GPHN: variants seen among roughly 807,000 people sequenced by gnomAD.
The protein encoded by GPHN is gephyrin.
Under a neutral mutation model 95.5 loss-of-function variants are expected in GPHN, and 17 were observed. The ratio of observed to expected loss-of-function variants is 0.18; its 90% CI spans 0.12 to 0.27. The LOEUF (loss-of-function observed/expected upper bound fraction) is 0.27, where lower values mean the gene tolerates loss of function less well. Ranked by LOEUF, GPHN falls within the 10% of genes least tolerant of loss-of-function variation. GPHN has a pLI of 1.00. For synonymous variants in GPHN, 320 were observed against 322.5 expected, an observed-to-expected ratio of 0.99 and a Z score of 0.08; for missense variants, 660 against 978.1, an observed-to-expected ratio of 0.67 and a Z score of 4.34.
chr14:67,099,951 C>T (rs1436188800), intron 12 of GPHN, among the ~76,000 whole-genome samples: 1 of 151,936 alleles, frequency 6.6e-6, no homozygotes, highest in Non-Finnish European at 1.5e-5. Context: ...GGCACTTTTG[C>T]CCAGTCGTAT....
rs1317002093 is a variant in GPHN at position 67,153,099 on chromosome 14, A to T, written c.1837-6316A>T. 2.0e-5 allele frequency among the ~76,000 whole-genome samples: 3 copies of T among 152,184 alleles called. No individual in the cohort carries two copies. In the East Asian group the frequency reaches 5.8e-4, roughly 29 times the overall value. Reference sequence around the variant, plus strand: ...GCAGATCCTTAAGCCAGGAGTTCTAAACCAGCCCAGGCAACATGGCAAAAT... The same window carrying T: ...GCAGATCCTTAAGCCAGGAGTTCTATACCAGCCCAGGCAACATGGCAAAAT... On this transcript the variant is annotated intron_variant, in intron 18 of 22. Coordinates refer to ENST00000478722, the MANE Select transcript of GPHN (RefSeq NM_020806.5).
At chr14:66,691,284 A>G (rs1260652254) in intron 2 of GPHN, among the ~76,000 whole-genome samples, 2 of 152,034 alleles carry the variant, frequency 1.3e-5, no homozygotes, top group Non-Finnish European at 2.9e-5. Flanking sequence ...TCCTGGGTTC[A>G]AGCGATTCTC....
rs533175292 is a variant in GPHN, at chr14:66,775,093, C to T, written c.144-1371C>T. On this transcript the variant is annotated intron_variant, in intron 2 of 22. Transcript: ENST00000478722. ...TGTTACATGGGTAAATTGCATGTCC[C>T]GAGGGTTTGGTGTACAGATTATTTT... Among the ~76,000 whole-genome samples the T allele has an allele frequency of 4.0e-5, 6 of 151,474 alleles. No homozygotes were observed. In the East Asian group the frequency reaches 7.8e-4, roughly 20 times the overall value.
the GPHN span, among the ~76,000 whole-genome samples, chr14:67,723,693 A>C: frequency 1.3e-5 from 2 of 152,240 alleles, no homozygotes; most frequent in Non-Finnish European, 2.9e-5. Flanking sequence ...TGTGGAAATA[A>C]TACTGGAGAA....
intron 5 of GPHN, among the ~76,000 whole-genome samples, chr14:66,900,694 A>G (rs1431310835): frequency 6.6e-6 from 1 of 151,952 alleles, no homozygotes; most frequent in East Asian, 1.9e-4. Flanking sequence ...TTTTAGTTCC[A>G]TCCATGTTCC....
chr14:67,333,560 C>CA, the GPHN span: 1 of 152,498 alleles, frequency 6.6e-6, no homozygotes, highest in African/African-American at 2.4e-5. Flanking sequence ...CTTAAAAAAA[C>CA]AAAAAACATT....
rs145630151 is a variant in GPHN, at chr14:66,919,143, A to G, written c.456+3074A>G. 7.2e-4 allele frequency among the ~76,000 whole-genome samples: 109 copies of G among 152,268 alleles called. 2 individuals carry two copies. The East Asian group carries it at 0.019, about 27-fold the overall frequency. On this transcript the variant is annotated intron_variant, in intron 6 of 22. Coordinates refer to ENST00000478722, the MANE Select transcript of GPHN (RefSeq NM_020806.5). ...TATTTTATATTTTGCTTGCTGTACAATGTTACCTAGCTATACTTTATGATG... is the reference window on the plus strand; with the variant it reads ...TATTTTATATTTTGCTTGCTGTACAGTGTTACCTAGCTATACTTTATGATG...
At chr14:66,553,590 T>G (rs1463876428) in intron 1 of GPHN, among the ~76,000 whole-genome samples, 1 of 152,130 alleles carries the variant, frequency 6.6e-6, no homozygotes, top group Non-Finnish European at 1.5e-5. Flanking sequence ...TGTACTTTTT[T>G]TTTTTGAGCC....
intron 2 of GPHN, among the ~76,000 whole-genome samples, chr14:66,710,992 T>A (rs1566852911): frequency 6.6e-6 from 1 of 152,220 alleles, no homozygotes; most frequent in Non-Finnish European, 1.5e-5. Flanking sequence ...AGAATAGTTA[T>A]CAAACTTTAT....
rs570728312 is a variant in GPHN at position 67,088,949 on chromosome 14, A to G, written c.1145-34A>G. ...ACTGCCTGCTTACCCATTGCTCTCC[A>G]TATTTACATTTTCCTTCTTTTCTCT... On this transcript the variant is annotated intron_variant, in intron 11 of 22. Coordinates refer to ENST00000478722, the MANE Select transcript of GPHN (RefSeq NM_020806.5). 9.0e-6 allele frequency: 11 copies of G among 1,221,618 alleles called. No homozygotes were observed. In the African/African-American group the frequency reaches 1.3e-4, roughly 15 times the overall value. The allele number at this position is 1,221,618 out of a possible 1,614,324, so 75.7% of individuals were successfully genotyped here.
At chr14:67,525,482 G>A in the GPHN span, among the ~76,000 whole-genome samples, 1 of 152,028 alleles carries the variant, frequency 6.6e-6, no homozygotes, top group East Asian at 1.9e-4. Context: ...TTATTTTGCT[G>A]TTATTGCTGC....
chr14:66,821,412 G>A (rs1309742055), intron 3 of GPHN, among the ~76,000 whole-genome samples: 1 of 152,116 alleles, frequency 6.6e-6, no homozygotes, highest in Non-Finnish European at 1.5e-5. Flanking sequence ...CTAATTCCGT[G>A]ACACCACTGG....
At chr14:66,936,154 G>A (rs1057228959) in intron 8 of GPHN, among the ~76,000 whole-genome samples, 7 of 152,268 alleles carry the variant, frequency 4.6e-5, no homozygotes, top group African/African-American at 7.2e-5. Context: ...TGAGGTGGGC[G>A]GATCACCTGA....
chr14:66,931,529 T>G (rs1382755995), intron 8 of GPHN, among the ~76,000 whole-genome samples: 1 of 152,194 alleles, frequency 6.6e-6, no homozygotes, highest in Non-Finnish European at 1.5e-5. Context: ...CTAGATCCTA[T>G]AGGTGTGCTT....
intron 8 of GPHN, among the ~76,000 whole-genome samples, chr14:66,927,507 C>T (rs1166368564): frequency 6.6e-6 from 1 of 152,012 alleles, no homozygotes; most frequent in African/African-American, 2.4e-5. Flanking sequence ...TGATCTCTTC[C>T]TTTCCAATTT....
chr14:67,457,630 G>A, the GPHN span, among the ~76,000 whole-genome samples: 464 of 152,256 alleles, frequency 3.0e-3, no homozygotes, highest in Middle Eastern at 0.01. Flanking sequence ...ACAAACAAAT[G>A]CCTAAAGAAG....
intron 1 of GPHN, among the ~76,000 whole-genome samples, chr14:66,600,159 T>G (rs2062165655): frequency 6.6e-6 from 1 of 152,082 alleles, no homozygotes. Flanking sequence ...TTGTACAGTT[T>G]TCTGTGCAGT....
intron 1 of GPHN, among the ~76,000 whole-genome samples, chr14:66,520,068 C>T (rs2058414167): frequency 6.6e-6 from 1 of 152,106 alleles, no homozygotes; most frequent in African/African-American, 2.4e-5. Context: ...ATACATATTT[C>T]ACTTTAATGG....
At chr14:67,601,579 G>A in the GPHN span, among the ~76,000 whole-genome samples, 2 of 152,014 alleles carry the variant, frequency 1.3e-5, no homozygotes, top group African/African-American at 4.8e-5. Flanking sequence ...CTTCTGATGT[G>A]GCCCAGGAGT....
Sources: allele counts gnomAD v4.1 joint callset (sites outside exome capture counted in the v4.1 genomes callset), GRCh38; gene constraint gnomAD v4.1.1; transcripts MANE v1.5; gene names NCBI Gene and HGNC (gene_info 2026-07-23, HGNC 2026-07-21).